Variants in DCC observed in about 807,000 individuals in gnomAD.
The protein encoded by DCC is netrin receptor DCC.
Under a neutral mutation model 172.5 loss-of-function variants are expected in DCC, and 58 were observed. The ratio of observed to expected loss-of-function variants is 0.34; its 90% CI spans 0.27 to 0.42. DCC has a LOEUF of 0.42. Among genes scored for constraint, DCC ranks in the 10% least tolerant of loss-of-function variants. The pLI is 1.00. For synonymous variants in DCC, 709 were observed against 644.5 expected, an observed-to-expected ratio of 1.10 and a Z score of -1.52; for missense variants, 1,740 against 1,791.0, an observed-to-expected ratio of 0.97 and a Z score of 0.51.
At chr18:52,425,781 C>A (rs2144449020) in intron 1 of DCC, among the ~76,000 whole-genome samples, 1 of 152,190 alleles carries the variant, frequency 6.6e-6, no homozygotes, top group African/African-American at 2.4e-5. Context: ...AATTCCAGCT[C>A]CACTCATAGA....
intron 1 of DCC, among the ~76,000 whole-genome samples, chr18:52,444,916 C>G (rs1988075245): frequency 6.6e-6 from 1 of 152,178 alleles, no homozygotes; most frequent in South Asian, 2.1e-4. Flanking sequence ...ATTACAGACA[C>G]ACAGTGGATC....
At chr18:53,493,589 A>T (rs1568166795) in intron 26 of DCC, among the ~76,000 whole-genome samples, 1 of 151,892 alleles carries the variant, frequency 6.6e-6, no homozygotes. Flanking sequence ...TGGTAGTTTG[A>T]TTTTTGTGGG....
intron 1 of DCC, among the ~76,000 whole-genome samples, chr18:52,496,200 GA>G (rs1469429993): frequency 6.6e-6 from 1 of 151,982 alleles, no homozygotes; most frequent in Non-Finnish European, 1.5e-5. Flanking sequence ...TTTAACTACA[GA>G]ATATCGACAA....
intron 18 of DCC, among the ~76,000 whole-genome samples, chr18:53,402,403 A>C (rs1005870339): frequency 6.6e-6 from 1 of 151,246 alleles, no homozygotes; most frequent in Non-Finnish European, 1.5e-5. Context: ...AAAAAAAAAA[A>C]ATAAATAAAT....
At chr18:52,554,238 A>G (rs2032851254) in intron 1 of DCC, among the ~76,000 whole-genome samples, 1 of 152,086 alleles carries the variant, frequency 6.6e-6, no homozygotes, top group African/African-American at 2.4e-5. Context: ...GTAATAAAGG[A>G]ATGCCCAAAG....
chr18:53,256,682 C>T (rs986169051), intron 12 of DCC, among the ~76,000 whole-genome samples: 1 of 152,164 alleles, frequency 6.6e-6, no homozygotes, highest in Non-Finnish European at 1.5e-5. Flanking sequence ...TTAGGATTGA[C>T]TTGGCAATGC....
intron 1 of DCC, among the ~76,000 whole-genome samples, chr18:52,425,657 A>G (rs562291421): frequency 6.6e-6 from 1 of 152,100 alleles, no homozygotes; most frequent in African/African-American, 2.4e-5. Context: ...GGCCTTCCTG[A>G]AGTTGAATAA....
At chr18:53,201,237 C>A (rs1002714519) in intron 9 of DCC, among the ~76,000 whole-genome samples, 2 of 152,052 alleles carry the variant, frequency 1.3e-5, no homozygotes, top group Non-Finnish European at 2.9e-5. Flanking sequence ...GGAGTGATGC[C>A]CTTGGAGTTG....
intron 5 of DCC, among the ~76,000 whole-genome samples, chr18:52,993,242 A>T (rs1030608113): frequency 1.4e-4 from 22 of 152,184 alleles, no homozygotes; most frequent in African/African-American, 3.4e-4. Flanking sequence ...AGGCAGAGGG[A>T]TAAGAAAAGT....
chr18:52,583,762 T>C (rs537129423), intron 1 of DCC, among the ~76,000 whole-genome samples: 1 of 152,334 alleles, frequency 6.6e-6, no homozygotes, highest in South Asian at 2.1e-4. Context: ...TCTTCTCAGG[T>C]TTAACAACGT....
intron 1 of DCC, among the ~76,000 whole-genome samples, chr18:52,560,210 T>C (rs2144738250): frequency 6.6e-6 from 1 of 152,348 alleles, no homozygotes; most frequent in South Asian, 2.1e-4. Context: ...GTGGTGCCTC[T>C]GTCGCAGGAA....
intron 11 of DCC, 31 bp downstream of exon 11, chr18:53,207,848 A>G (rs1289327999): frequency 1.9e-6 from 3 of 1,566,390 alleles, no homozygotes; most frequent in East Asian, 2.2e-5. Context: ...CTCCTTTTAC[A>G]TATTTGACAT....
chr18:53,336,587 C>T (rs1006465275), intron 14 of DCC, among the ~76,000 whole-genome samples: 1 of 152,164 alleles, frequency 6.6e-6, no homozygotes, highest in African/African-American at 2.4e-5. Flanking sequence ...CATGTAGACT[C>T]ACATCGATAA....
At chr18:52,360,607 C>A (rs751548818) in intron 1 of DCC, among the ~76,000 whole-genome samples, 1 of 152,108 alleles carries the variant, frequency 6.6e-6, no homozygotes, top group Non-Finnish European at 1.5e-5. Flanking sequence ...CTTAAGTTGG[C>A]ATTTGTGAGC....
intron 1 of DCC, among the ~76,000 whole-genome samples, chr18:52,418,345 A>G (rs1987119417): frequency 6.6e-6 from 1 of 152,272 alleles, no homozygotes; most frequent in East Asian, 1.9e-4. Flanking sequence ...TAGATAAACT[A>G]ATAAACATGA....
At chr18:52,589,058 G>T (rs2033741457) in intron 1 of DCC, among the ~76,000 whole-genome samples, 1 of 152,096 alleles carries the variant, frequency 6.6e-6, no homozygotes, top group Non-Finnish European at 1.5e-5. Flanking sequence ...GAAGGAACAG[G>T]ACATGTCTCA....
intron 27 of DCC, among the ~76,000 whole-genome samples, chr18:53,523,767 G>T (rs540603942): frequency 6.6e-6 from 1 of 152,158 alleles, no homozygotes; most frequent in South Asian, 2.1e-4. Flanking sequence ...GAGGGCAGGG[G>T]GCTGGGGGAG....
At chr18:52,988,085 G>A (rs780912913) in intron 5 of DCC, among the ~76,000 whole-genome samples, 7 of 152,082 alleles carry the variant, frequency 4.6e-5, no homozygotes, top group Non-Finnish European at 8.8e-5. Context: ...TATTTATACA[G>A]CACCTCATTC....
At chr18:53,287,980 A>G (rs2056955887) in intron 12 of DCC, among the ~76,000 whole-genome samples, 1 of 152,126 alleles carries the variant, frequency 6.6e-6, no homozygotes, top group Non-Finnish European at 1.5e-5. Context: ...TTCTTTGAGC[A>G]TGTACGCAAT....
Sources: gnomAD v4.1 joint callset for allele counts (sites outside exome capture counted in the v4.1 genomes callset) on GRCh38, gnomAD v4.1.1 for gene constraint, MANE v1.5 for transcripts, NCBI Gene and HGNC (gene_info 2026-07-23, HGNC 2026-07-21) for gene names.